SLC5A11: variants seen among roughly 807,000 people sequenced by gnomAD.
SLC5A11 encodes sodium/myo-inositol cotransporter 2.
Under a neutral mutation model 69.8 loss-of-function variants are expected in SLC5A11, and 48 were observed. The observed-to-expected ratio is 0.69, with a 90% confidence interval of 0.55 to 0.87. The LOEUF (loss-of-function observed/expected upper bound fraction) is 0.87. Among genes scored for constraint, SLC5A11 ranks in the 40% least tolerant of loss-of-function variants. The pLI, the probability that SLC5A11 is intolerant of heterozygous loss-of-function variation, is 0.00. For missense variants in SLC5A11, 784 were observed against 866.1 expected (o/e 0.91, Z 1.19); for synonymous variants, 319 against 342.4 (o/e 0.93, Z 0.75).
chr16:24,902,097 G>A (rs2049672312), intron 10 of SLC5A11, among the ~76,000 whole-genome samples: 1 of 152,160 alleles, frequency 6.6e-6, no homozygotes, highest in African/African-American at 2.4e-5. Flanking sequence ...GGGTGACAAA[G>A]TGAGACTGTG....
At chr16:24,907,596 T>C (rs1275085624) in intron 12 of SLC5A11, among the ~76,000 whole-genome samples, 1 of 151,810 alleles carries the variant, frequency 6.6e-6, no homozygotes, top group East Asian at 1.9e-4. Context: ...TAATCCCAGC[T>C]ACTCAGGTGG....
chr16:24,857,222 C>T (rs2059575787), intron 1 of SLC5A11, among the ~76,000 whole-genome samples: 1 of 152,194 alleles, frequency 6.6e-6, no homozygotes, highest in South Asian at 2.1e-4. Flanking sequence ...GTGGCTTTGT[C>T]CCATCACTGG....
intron 10 of SLC5A11, among the ~76,000 whole-genome samples, chr16:24,901,731 A>G (rs1385974756): frequency 2.0e-5 from 3 of 152,144 alleles, no homozygotes; most frequent in Admixed American, 6.6e-5. Context: ...GAACAAGACT[A>G]CAGGATCCTT....
exon 12 of SLC5A11, chr16:24,907,073 C>T (rs771779961): frequency 6.2e-7 from 1 of 1,614,022 alleles, no homozygotes; most frequent in African/African-American, 1.3e-5. Context: ...CTCATGTCCT[C>T]CCTCACCTCC....
At chr16:24,906,794 C>T (rs1346824005) in intron 11 of SLC5A11, 30 bp downstream of exon 12, 1 of 1,567,328 alleles carries the variant, frequency 6.4e-7, no homozygotes, top group Non-Finnish European at 8.7e-7. Flanking sequence ...GAATCAAGTC[C>T]CCTGGAGCAC....
At chr16:24,863,375 C>T (rs956679123) in intron 3 of SLC5A11, among the ~76,000 whole-genome samples, 3 of 151,934 alleles carry the variant, frequency 2.0e-5, no homozygotes, top group Non-Finnish European at 4.4e-5. Context: ...ATTCAGTGGC[C>T]TAGCCCAGGG....
intron 1 of SLC5A11, 151 bp downstream of exon 2, chr16:24,846,589 C>T (rs370280157): frequency 2.0e-4 from 30 of 152,660 alleles, no homozygotes; most frequent in African/African-American, 7.2e-4. Context: ...TACACCAGGA[C>T]AATGGAGTGT....
At chr16:24,877,395 AGGCAGTG>A (rs1296310399) in intron 7 of SLC5A11, 32 bp downstream of exon 8, 2 of 1,563,694 alleles carry the variant, frequency 1.3e-6, no homozygotes, top group Non-Finnish European at 1.8e-6. Context: ...CACCTAGCAG[AGGCAGTG>A]GGCAGGGGCT....
intron 9 of SLC5A11, among the ~76,000 whole-genome samples, chr16:24,893,823 C>T (rs545722479): frequency 1.5e-3 from 223 of 152,276 alleles, no homozygotes; most frequent in Non-Finnish European, 2.6e-3. Context: ...CCACCCACCT[C>T]GGCCTCCCAA....
intron 4 of SLC5A11, among the ~76,000 whole-genome samples, chr16:24,871,537 T>C (rs1597085382): frequency 6.6e-6 from 1 of 152,162 alleles, no homozygotes; most frequent in Non-Finnish European, 1.5e-5. Context: ...CCTGCCAAAG[T>C]GCTGGGATTA....
At position 24,909,061 on chromosome 16, in the gene SLC5A11, G is replaced by A. The variant is rs35038575; in HGVS notation, c.1615G>A (p.Val539Met). 3.3e-4 allele frequency: 530 copies of A among 1,614,108 alleles called. No individual in the cohort carries two copies. In the African/African-American group the frequency reaches 5.5e-3, roughly 17 times the overall value. ...GGTCACCCTCATCACTGTCTCCACC[G>A]TGAGCTGGTTCACAGAGCCACCCTC... The change falls in exon 14 of 16, where the codon GTG (valine) becomes ATG (methionine). Residue 539 changes from valine (V) to methionine (M), a missense_variant. Around this residue, in one of 3 missense-constraint regions of SLC5A11, gnomAD observed 550 missense variants for 606.4 expected, o/e 0.91. Coordinates refer to ENST00000347898, the Ensembl canonical transcript of SLC5A11.
chr16:24,860,657 C>T (rs2059727199), intron 2 of SLC5A11, among the ~76,000 whole-genome samples: 1 of 152,144 alleles, frequency 6.6e-6, no homozygotes, highest in Non-Finnish European at 1.5e-5. Context: ...AGTGTATTGT[C>T]AAACTCATTT....
intron 9 of SLC5A11, among the ~76,000 whole-genome samples, chr16:24,894,553 G>C (rs971816390): frequency 2.6e-5 from 4 of 152,084 alleles, no homozygotes; most frequent in East Asian, 3.8e-4. Context: ...TGTAATCCCA[G>C]CACTTTGGGA....
chr16:24,873,300 A>T (rs902619413), intron 5 of SLC5A11, among the ~76,000 whole-genome samples: 1 of 150,126 alleles, frequency 6.7e-6, no homozygotes. Context: ...GAAGGAAGGA[A>T]GGAAATAAAT....
intron 4 of SLC5A11, among the ~76,000 whole-genome samples, chr16:24,871,937 G>A (rs189183548): frequency 1.0e-3 from 159 of 152,248 alleles, no homozygotes; most frequent in Admixed American, 2.2e-3. Flanking sequence ...GAACTAGGAA[G>A]CATCGCAAAG....
At chr16:24,867,149 A>C (rs1271066852) in intron 3 of SLC5A11, among the ~76,000 whole-genome samples, 1 of 152,196 alleles carries the variant, frequency 6.6e-6, no homozygotes, top group Admixed American at 6.5e-5. Context: ...AATCTCAAGA[A>C]ATTTAAAATG....
Position 24,911,388 on chromosome 16 carries a change from A to G in SLC5A11, c.1883A>G (p.Gln628Arg), listed in dbSNP as rs142247783. The change falls in exon 16 of 16, where the codon CAG (glutamine) becomes CGG (arginine). Residue 628 changes from glutamine to arginine, a missense_variant. By Grantham distance (43) the Gln-to-Arg change is conservative. This residue lies in a region of SLC5A11 where 550 missense variants were observed against 606.4 expected (regional missense o/e 0.91). Coordinates refer to ENST00000347898, the Ensembl canonical transcript of SLC5A11. ...GCCATCCTGTGGCTCTGTGGAATAC[A>G]GGAGAAGGGCAAGGAAGAGCTCCCG... The G allele has an allele frequency of 6.8e-6, 11 of 1,614,010 alleles. No homozygotes were observed. Among genetic ancestry groups the G allele is most frequent in the Admixed American group, 1.7e-5 (1 of 59,990 alleles).
At chr16:24,870,147 CT>C in intron 4 of SLC5A11, 142 bp downstream of exon 5, 2 of 569,314 alleles carry the variant, frequency 3.5e-6, no homozygotes, top group Non-Finnish European at 6.2e-6. Flanking sequence ...AATCTCAGCA[CT>C]TTGGGAGGCC....
chr16:24,884,513 GTTTTTT>G (rs10572531), intron 8 of SLC5A11, among the ~76,000 whole-genome samples: 1 of 110,270 alleles, frequency 9.1e-6, no homozygotes, highest in Non-Finnish European at 1.9e-5. Context: ...TTTTTATTTT[GTTTTTT>G]TTTTTTTTTT....
Sources: gnomAD v4.1 joint callset for allele counts (sites outside exome capture counted in the v4.1 genomes callset) on GRCh38, gnomAD v4.1.1 for gene constraint, gnomAD v4.1.1 regional missense constraint, MANE v1.5 for transcripts, NCBI Gene and HGNC (gene_info 2026-07-23, HGNC 2026-07-21) for gene names.